AGBL4: variants seen among roughly 807,000 people sequenced by gnomAD.
The protein encoded by AGBL4 is cytosolic carboxypeptidase 6.
AGBL4 carries 58 observed loss-of-function variants against 66.4 expected under a neutral mutation model. That is an observed-to-expected ratio of 0.87 (90% CI 0.71 to 1.09). The LOEUF (loss-of-function observed/expected upper bound fraction) is 1.09. Ranked by LOEUF, AGBL4 falls within the 50% of genes least tolerant of loss-of-function variation. The pLI is 0.00. For missense variants in AGBL4, 579 were observed against 631.0 expected, an observed-to-expected ratio of 0.92 and a Z score of 0.88; for synonymous variants, 234 against 222.9, an observed-to-expected ratio of 1.05 and a Z score of -0.44.
intron 6 of AGBL4, among the ~76,000 whole-genome samples, chr1:48,858,830 A>T (rs2148816582): frequency 6.6e-6 from 1 of 152,262 alleles, no homozygotes; most frequent in Non-Finnish European, 1.5e-5. Context: ...ATGGCATGTG[A>T]ATTATATCTC....
intron 4 of AGBL4, among the ~76,000 whole-genome samples, chr1:49,229,642 A>G (rs986360213): frequency 1.3e-5 from 2 of 152,220 alleles, no homozygotes; most frequent in Non-Finnish European, 2.9e-5. Flanking sequence ...GATTGAATTC[A>G]AAAAAAGACT....
intron 3 of AGBL4, among the ~76,000 whole-genome samples, chr1:49,563,703 T>C (rs1239117808): frequency 1.3e-5 from 2 of 152,106 alleles, no homozygotes; most frequent in South Asian, 2.1e-4. Flanking sequence ...TTGCTGGATT[T>C]GGTTTGCCAG....
At chr1:48,663,267 G>T (rs1193686729) in intron 6 of AGBL4, 26 bp from the exon 7 acceptor site, 3 of 1,611,476 alleles carry the variant, frequency 1.9e-6, no homozygotes, top group Non-Finnish European at 2.5e-6. Context: ...AAAGATGGTT[G>T]CTAAGGAGGG....
chr1:49,260,175 T>C, intron 3 of AGBL4, among the ~76,000 whole-genome samples: 1 of 151,732 alleles, frequency 6.6e-6, no homozygotes, highest in East Asian at 1.9e-4. Context: ...GAGGGAAATT[T>C]ATAGCACTGA....
At chr1:49,190,947 T>C (rs1647107071) in intron 4 of AGBL4, among the ~76,000 whole-genome samples, 1 of 152,186 alleles carries the variant, frequency 6.6e-6, no homozygotes, top group African/African-American at 2.4e-5. Flanking sequence ...AATGAAAACC[T>C]TTGTTCTCAA....
intron 2 of AGBL4, among the ~76,000 whole-genome samples, chr1:49,850,690 A>G (rs1238511138): frequency 6.6e-6 from 1 of 152,162 alleles, no homozygotes; most frequent in African/African-American, 2.4e-5. Flanking sequence ...CCACACATAC[A>G]CATACTTATG....
intron 3 of AGBL4, among the ~76,000 whole-genome samples, chr1:49,504,179 C>T (rs902047819): frequency 2.6e-5 from 4 of 152,026 alleles, no homozygotes; most frequent in Non-Finnish European, 4.4e-5. Context: ...GGCATCTCTC[C>T]TGCTTGCACT....
intron 1 of AGBL4, among the ~76,000 whole-genome samples, chr1:49,966,440 T>C (rs1212902673): frequency 2.0e-5 from 3 of 152,174 alleles, no homozygotes; most frequent in Non-Finnish European, 4.4e-5. Flanking sequence ...GCAAGTTCTA[T>C]AGTGTTCTTA....
chr1:49,591,572 A>G lies in AGBL4; in HGVS notation c.282+105741T>C, dbSNP rs576246060. On this transcript the variant is annotated intron_variant, in intron 3 of 13. Coordinates refer to ENST00000371839, the MANE Select transcript of AGBL4 (RefSeq NM_032785.4). ...AAACTACCAATGACATTCTTCACAG[A>G]ACAAGAAAAAACTATTTTAAAATTG... 2.6e-5 allele frequency among the ~76,000 whole-genome samples: 4 copies of G among 152,288 alleles called. No individual in the cohort carries two copies. In the South Asian group the frequency reaches 8.3e-4, roughly 32 times the overall value.
chr1:49,141,516 C>T lies in AGBL4; in HGVS notation c.378-95716G>A, dbSNP rs1255403703. Among the ~76,000 whole-genome samples, 6 of 152,168 alleles carry T rather than the reference C, an allele frequency of 3.9e-5. No individual in the cohort carries two copies. In the East Asian group the frequency reaches 1.2e-3, roughly 29 times the overall value. ...TTGAGGTGACACCCTTGTAAATTGT[C>T]CCTTTATTAAATTATCCTCAAATTC... On this transcript the variant is annotated intron_variant, in intron 4 of 13. Coordinates refer to ENST00000371839, the MANE Select transcript of AGBL4 (RefSeq NM_032785.4).
At chr1:48,862,420 C>T (rs1226704914) in intron 6 of AGBL4, among the ~76,000 whole-genome samples, 1 of 152,218 alleles carries the variant, frequency 6.6e-6, no homozygotes, top group Non-Finnish European at 1.5e-5. Flanking sequence ...CTCCCAGGTT[C>T]ACGCCATTCT....
intron 3 of AGBL4, among the ~76,000 whole-genome samples, chr1:49,656,509 G>A (rs1646137166): frequency 6.6e-6 from 1 of 152,124 alleles, no homozygotes; most frequent in Non-Finnish European, 1.5e-5. Context: ...CATTTTATGA[G>A]GCCAGCATCA....
intron 1 of AGBL4, among the ~76,000 whole-genome samples, chr1:49,860,131 A>G (rs766970130): frequency 2.6e-5 from 4 of 152,242 alleles, no homozygotes; most frequent in Admixed American, 6.5e-5. Flanking sequence ...CAAAATGTCA[A>G]TTCTCCATAT....
Position 49,779,404 on chromosome 1 carries a change from G to A in AGBL4, c.157+71992C>T, listed in dbSNP as rs182252246. Among the ~76,000 whole-genome samples, 426 of 152,230 alleles carry A rather than the reference G, an allele frequency of 2.8e-3. 3 individuals carry two copies. The highest frequency in any genetic ancestry group is 1.0e-2 in the South Asian group (48 of 4,816). On this transcript the variant is annotated intron_variant, in intron 2 of 13. Transcript: ENST00000371839. Reference sequence around the variant, plus strand: ...TGTTTTCCTACTGGAGAACACCAACGGTAAGGTGGTAACATGTAGTACAGG... The same window carrying A: ...TGTTTTCCTACTGGAGAACACCAACAGTAAGGTGGTAACATGTAGTACAGG...
chr1:48,631,674 G>A (rs1216148871), intron 9 of AGBL4, among the ~76,000 whole-genome samples: 1 of 152,198 alleles, frequency 6.6e-6, no homozygotes, highest in Non-Finnish European at 1.5e-5. Context: ...GATTATAGGG[G>A]TGAGCCACCG....
intron 5 of AGBL4, among the ~76,000 whole-genome samples, chr1:48,993,041 C>G (rs1392886683): frequency 6.6e-6 from 1 of 152,084 alleles, no homozygotes; most frequent in Non-Finnish European, 1.5e-5. Flanking sequence ...CTGCTTTTCT[C>G]AAGCAGAAGG....
intron 3 of AGBL4, among the ~76,000 whole-genome samples, chr1:49,443,512 T>C (rs1026874120): frequency 1.3e-5 from 2 of 152,030 alleles, no homozygotes; most frequent in African/African-American, 4.8e-5. Context: ...GCAACACTTA[T>C]TGAAGAAGGT....
intron 2 of AGBL4, chr1:49,842,420 C>G: frequency 1.3e-6 from 1 of 796,118 alleles, no homozygotes; most frequent in Non-Finnish European, 1.7e-6. Context: ...CTGAGAGAAG[C>G]CTGTCCATGC....
chr1:48,898,194 G>T (rs2211505), intron 5 of AGBL4, among the ~76,000 whole-genome samples: 1,771 of 152,078 alleles, frequency 0.012, 32 homozygotes, highest in African/African-American at 0.04. Flanking sequence ...TCTTTGTTCT[G>T]GTCATTAATC....
Sources: allele counts gnomAD v4.1 joint callset (sites outside exome capture counted in the v4.1 genomes callset), GRCh38; gene constraint gnomAD v4.1.1; transcripts MANE v1.5; gene names NCBI Gene and HGNC (gene_info 2026-07-23, HGNC 2026-07-21).